GLI1: variants seen among roughly 807,000 people sequenced by gnomAD.
GLI1 encodes the protein GLI family zinc finger 1.
A neutral mutation model predicts 87.8 loss-of-function variants in GLI1; 51 were observed. That is an observed-to-expected ratio of 0.58 (90% CI 0.46 to 0.73). GLI1 has a LOEUF of 0.73. Ranked by LOEUF, GLI1 falls within the 30% of genes least tolerant of loss-of-function variation. The pLI, the probability that GLI1 is intolerant of heterozygous loss-of-function variation, is 0.00. For synonymous variants in GLI1, 528 were observed against 558.2 expected, an observed-to-expected ratio of 0.95 and a Z score of 0.76; for missense variants, 1,292 against 1,437.2, an observed-to-expected ratio of 0.90 and a Z score of 1.63.
Position 57,464,616 on chromosome 12 carries a change from G to A in GLI1, c.194-57G>A, listed in dbSNP as rs990076949. The A allele has an allele frequency of 3.9e-6, 5 of 1,274,062 alleles. No individual in the cohort carries two copies. The Admixed American group carries it at 9.2e-5, about 23-fold the overall frequency. The allele number at this position is 1,274,062 out of a possible 1,614,324, so 78.9% of individuals were successfully genotyped here. A position where few individuals can be genotyped will look rare whatever the true frequency, so the allele number is the denominator to read the frequency against. On this transcript the variant is annotated intron_variant, in intron 3 of 11. Transcript: ENST00000228682. ...TTGCCAAGTCAGGACCCATAGGTTAGGTGCATGGAGAGACATGCCCCTTTA... is the reference window on the plus strand; with the variant it reads ...TTGCCAAGTCAGGACCCATAGGTTAAGTGCATGGAGAGACATGCCCCTTTA...
In GLI1 at chr12:57,471,392, T is replaced by G. The variant is rs142356674; in HGVS notation, c.2652T>G (p.Asp884Glu). The G allele has an allele frequency of 8.1e-6, 13 of 1,612,290 alleles. No homozygotes were observed. The African/African-American group carries it at 1.7e-4, about 22-fold the overall frequency. Residue 884 changes from aspartate (D) to glutamate (E), a missense_variant, in exon 12 of 12, where the codon GAT (aspartate) becomes GAG (glutamate). This residue lies in a region of GLI1 where 897 missense variants were observed against 1,040.7 expected (regional missense o/e 0.86). Transcript: ENST00000228682. The surrounding 1 kb of genome is among the most constrained non-coding windows in gnomAD (Gnocchi z 4.9). ...AACCCAGGCCTTGCCTGGACTTTGATTCCCCCACCCATTCCACAGGGCAGC... is the reference window on the plus strand; with the variant it reads ...AACCCAGGCCTTGCCTGGACTTTGAGTCCCCCACCCATTCCACAGGGCAGC... ...PSEPRPCLDF[D>E]SPTHSTGQLK...
Position 57,470,688 on chromosome 12 carries a change from G to T in GLI1, c.1948G>T (p.Ala650Ser). ...SDPAQAADRP[A>S]PARVQRFKSL... ...CCCAGCCCAGGCTGCTGACCGTCCTGCTCCAGCTAGAGTCCAGAGGTTCAA... is the reference window on the plus strand; with the variant it reads ...CCCAGCCCAGGCTGCTGACCGTCCTTCTCCAGCTAGAGTCCAGAGGTTCAA... Residue 650 changes from alanine (A) to serine (S), a missense_variant, in exon 12 of 12, where the codon GCT becomes TCT. By Grantham distance (99) the Ala-to-Ser change is moderately conservative (BLOSUM62 1). This residue lies in a region of GLI1 where 897 missense variants were observed against 1,040.7 expected (regional missense o/e 0.86). Coordinates refer to ENST00000228682, the MANE Select transcript of GLI1 (RefSeq NM_005269.3). 1 of 1,612,704 alleles carries T rather than the reference G, an allele frequency of 6.2e-7. No homozygotes were observed.
At chr12:57,469,052 ACT>A (rs993487439) in intron 10 of GLI1, among the ~76,000 whole-genome samples, 11 of 151,886 alleles carry the variant, frequency 7.2e-5, no homozygotes, top group Non-Finnish European at 1.5e-4. Flanking sequence ...GCACCCGGCA[ACT>A]CTTTCTTAAA....
Position 57,469,535 on chromosome 12 carries a change from A to AG in GLI1, c.1418dup (p.Ser474GlnfsTer3), listed in dbSNP as rs757280991. On this transcript the variant is annotated frameshift_variant, in exon 11 of 12. Coordinates refer to ENST00000228682, the MANE Select transcript of GLI1 (RefSeq NM_005269.3). LOFTEE classifies it high-confidence loss of function. ...GTGGTGTGGAAATGACTGGCAATGC[A>AG]GGGGGCAGCACTGAAGACCTCTCCA... 26 of 1,614,100 alleles carry AG rather than the reference A, an allele frequency of 1.6e-5. No individual in the cohort carries two copies. The highest frequency in any genetic ancestry group is 8.5e-7 in the Non-Finnish European group (1 of 1,180,034).
rs764155302 is a variant in GLI1, at chr12:57,470,470, C to T, written c.1730C>T (p.Ser577Phe). 2.5e-5 allele frequency: 40 copies of T among 1,614,052 alleles called. No individual in the cohort carries two copies. Among genetic ancestry groups the T allele is most frequent in the Non-Finnish European group, 3.3e-5 (39 of 1,180,002 alleles). Residue 577 changes from serine (S) to phenylalanine (F), a missense_variant, in exon 12 of 12, where the codon TCC becomes TTC. By Grantham distance (155) the Ser-to-Phe change is radical (BLOSUM62 -2). Around this residue, in one of 3 missense-constraint regions of GLI1, gnomAD observed 897 missense variants for 1,040.7 expected, o/e 0.86. Coordinates refer to ENST00000228682, the MANE Select transcript of GLI1 (RefSeq NM_005269.3). The part of the protein sequence containing the change: ...PGSPPENGAS[S>F]LPGLMPAQHY... Reference sequence around the variant, plus strand: ...TCCCCACCAGAGAATGGAGCATCCTCCCTGCCTGGCCTTATGCCTGCCCAG... The same window carrying T: ...TCCCCACCAGAGAATGGAGCATCCTTCCTGCCTGGCCTTATGCCTGCCCAG...
chr12:57,466,456 C>T, intron 8 of GLI1, 67 bp downstream of exon 8: 5 of 1,262,422 alleles, frequency 4.0e-6, no homozygotes, highest in Non-Finnish European at 5.5e-6. Context: ...AGGTAGGGCC[C>T]AAGGCAGACT....
In GLI1 at chr12:57,469,456, A is replaced by G; in HGVS notation, c.1334A>G (p.Gln445Arg). 1 of 1,614,054 alleles carries G rather than the reference A, an allele frequency of 6.2e-7. No homozygotes were observed. Among genetic ancestry groups the G allele is most frequent in the African/African-American group, 1.3e-5 (1 of 75,064 alleles). The change falls in exon 11 of 12, where the codon CAG becomes CGG. Residue 445 changes from glutamine to arginine, a missense_variant. This residue lies in a region of GLI1 where 897 missense variants were observed against 1,040.7 expected (regional missense o/e 0.86). Transcript: ENST00000228682. The stretch of plus-strand genomic sequence containing the variant: ...AAGCCACAGCCAAGCCCTGGGGCCC[A>G]GTCATCCTGCAGCAGTGACCACTCC... ...AMKPQPSPGA[Q>R]SSCSSDHSPA...
intron 2 of GLI1, 45 bp downstream of exon 2, chr12:57,463,836 C>T: frequency 7.9e-7 from 1 of 1,267,690 alleles, no homozygotes; most frequent in Non-Finnish European, 1.1e-6. Context: ...TTTGGCAGAT[C>T]TCCCACTTGG....
chr12:57,466,083 G>A (rs2139855166), intron 7 of GLI1, 157 bp from the exon 8 acceptor site: 2 of 1,047,946 alleles, frequency 1.9e-6, no homozygotes, highest in East Asian at 2.4e-5. Context: ...TTTGCCTTAG[G>A]GAGCTGGAAG....
chr12:57,466,488 T>G (rs1871495111), intron 8 of GLI1, 99 bp downstream of exon 8: 7 of 775,960 alleles, frequency 9.0e-6, no homozygotes, highest in Non-Finnish European at 1.0e-5. Context: ...AAGTCCTTTC[T>G]TCCATAAACA....
In GLI1 at chr12:57,464,789, A is replaced by G. The variant is rs889338993; in HGVS notation, c.310A>G (p.Ser104Gly). The G allele has an allele frequency of 6.2e-7, 1 of 1,614,006 alleles. No homozygotes were observed. Among genetic ancestry groups the G allele is most frequent in the African/African-American group, 1.3e-5 (1 of 75,022 alleles). Reference protein sequence around the residue: ...DLQTVIRTSPSSLVAFINSRC... With the variant: ...DLQTVIRTSPGSLVAFINSRC... ...GCAGACGGTTATCCGCACCTCACCCAGCTCCCTCGTAGCTTTCATCAACTC... is the reference window on the plus strand; with the variant it reads ...GCAGACGGTTATCCGCACCTCACCCGGCTCCCTCGTAGCTTTCATCAACTC... Residue 104 changes from serine to glycine, a missense_variant, in exon 4 of 12, where the codon AGC becomes GGC. Coordinates refer to ENST00000228682, the MANE Select transcript of GLI1 (RefSeq NM_005269.3).
In GLI1 at chr12:57,471,409, C is replaced by T. The variant is rs1871928141; in HGVS notation, c.2669C>T (p.Thr890Ile). 8 of 1,613,684 alleles carry T rather than the reference C, an allele frequency of 5.0e-6. No homozygotes were observed. Among genetic ancestry groups the T allele is most frequent in the Non-Finnish European group, 6.8e-6 (8 of 1,179,784 alleles). ...GACTTTGATTCCCCCACCCATTCCA[C>T]AGGGCAGCTCAAGGCTCAGCTTGTG... ...CLDFDSPTHS[T>I]GQLKAQLVCN... The change falls in exon 12 of 12, where the codon ACA (threonine) becomes ATA (isoleucine). Residue 890 changes from threonine to isoleucine, a missense_variant. Coordinates refer to ENST00000228682, the MANE Select transcript of GLI1 (RefSeq NM_005269.3). The surrounding 1 kb of genome is among the most constrained non-coding windows in gnomAD (Gnocchi z 4.9).
chr12:57,470,293 A>G, intron 11 of GLI1, 24 bp from the exon 12 acceptor site: 1 of 1,521,034 alleles, frequency 6.6e-7, no homozygotes, highest in Non-Finnish European at 8.8e-7. Context: ...TGACCATCCT[A>G]CCTTTTCTCC....
rs763738465 is a variant in GLI1, at chr12:57,471,944, G to C, written c.3204G>C (p.Arg1068=). ...GLSPPPSHDQ[R]GSSGHTPPPS... Reference sequence around the variant, plus strand: ...GTCCTCCTCCTTCCCATGATCAGCGGGGCAGCTCTGGACATACCCCACCTC... The same window carrying C: ...GTCCTCCTCCTTCCCATGATCAGCGCGGCAGCTCTGGACATACCCCACCTC... Residue 1068 remains arginine, a synonymous_variant, in exon 12 of 12, where the codon CGG becomes CGC. Transcript: ENST00000228682. This position sits in a 1 kb window ranked among gnomAD's most constrained non-coding sequence, Gnocchi z 4.9. The C allele has an allele frequency of 6.2e-7, 1 of 1,612,182 alleles. No individual in the cohort carries two copies. Among genetic ancestry groups the C allele is most frequent in the Non-Finnish European group, 8.5e-7 (1 of 1,179,010 alleles).
intron 5 of GLI1, 28 bp downstream of exon 5, chr12:57,465,283 T>C (rs748671438): frequency 6.3e-7 from 1 of 1,584,660 alleles, no homozygotes; most frequent in Admixed American, 1.7e-5. Context: ...GCTACCTGAT[T>C]TCCCTCAGCT....
rs778018627 is a variant in GLI1, at chr12:57,464,883, G to A, written c.389+15G>A. 6.3e-6 allele frequency: 10 copies of A among 1,589,994 alleles called. No individual in the cohort carries two copies. The highest frequency in any genetic ancestry group is 4.4e-5 in the South Asian group (4 of 90,568). ...GGCACCATGAGGTGCAGTCAGCCCC[G>A]GGCCAAGAGGCCCCTAAAGCCCCTA... On this transcript the variant is annotated intron_variant, in intron 4 of 11. Transcript: ENST00000228682.
intron 9 of GLI1, 43 bp downstream of exon 9, chr12:57,467,540 C>T (rs745559965): frequency 6.0e-6 from 9 of 1,501,290 alleles, no homozygotes; most frequent in Admixed American, 1.9e-5. Context: ...TGAGAAGCCA[C>T]CTACCAGGGA....
At chr12:57,462,496 C>T (rs1233782041) in intron 1 of GLI1, among the ~76,000 whole-genome samples, 1 of 142,872 alleles carries the variant, frequency 7.0e-6, no homozygotes, top group Non-Finnish European at 1.5e-5. Flanking sequence ...ACTGGAAAAC[C>T]CGGGATGGAG....
rs761808837 is a variant in GLI1 at position 57,471,302 on chromosome 12, C to A, written c.2562C>A (p.Pro854=). ...PQPLFSHYPQ[P]SPPQYLQSGP... ...CTCTCTTTTCCCATTACCCCCAGCC[C>A]TCTCCTCCCCAATATCTCCAGTCAG... is the stretch of plus-strand genomic sequence containing the variant. Residue 854 remains proline (P), a synonymous_variant, in exon 12 of 12, where the codon CCC becomes CCA. Coordinates refer to ENST00000228682, the MANE Select transcript of GLI1 (RefSeq NM_005269.3). This position sits in a 1 kb window ranked among gnomAD's most constrained non-coding sequence, Gnocchi z 4.9. 1.3e-6 allele frequency: 2 copies of A among 1,576,510 alleles called. No individual in the cohort carries two copies. The highest frequency in any genetic ancestry group is 1.7e-6 in the Non-Finnish European group (2 of 1,162,962).
Sources: allele counts gnomAD v4.1 joint callset (sites outside exome capture counted in the v4.1 genomes callset), GRCh38; gene constraint gnomAD v4.1.1; regional missense constraint gnomAD v4.1.1; non-coding constraint Gnocchi (gnomAD v3.1); transcripts MANE v1.5; gene names NCBI Gene and HGNC (gene_info 2026-07-23, HGNC 2026-07-21).